Variants in CNTNAP3B observed in about 807,000 individuals in gnomAD.
CNTNAP3B encodes the protein contactin associated protein family member 3B.
In CNTNAP3B, 25 loss-of-function variants were observed where a neutral mutation model predicts 108.9. The observed-to-expected ratio is 0.23, with a 90% CI of 0.17 to 0.32. The LOEUF (loss-of-function observed/expected upper bound fraction) is 0.32, where lower values mean the gene tolerates loss of function less well. CNTNAP3B is among the 10% of genes least tolerant of loss of function. The pLI, the probability that CNTNAP3B is intolerant of heterozygous loss-of-function variation, is 1.00. For synonymous variants in CNTNAP3B, 103 were observed against 473.4 expected (o/e 0.22, Z 10.16); for missense variants, 252 against 1,210.4 (o/e 0.21, Z 11.75).
intron 18 of CNTNAP3B, among the ~76,000 whole-genome samples, chr9:41,917,142 C>T (rs1357778494): frequency 2.6e-5 from 4 of 152,256 alleles, no homozygotes; most frequent in Non-Finnish European, 4.4e-5. Context: ...TCTCTCTCTC[C>T]TGGTATTTTC....
In CNTNAP3B at chr9:41,953,164, C is replaced by A. The variant is rs1824746608; in HGVS notation, c.2080+19G>T. The stretch of plus-strand genomic sequence containing the variant: ...CCCCGGCCTCGTGAGCCCCTGTAGC[C>A]TCCAGCAGTGGCGCTTACCTCGTGA... On this transcript the variant is annotated intron_variant, in intron 13 of 23. Transcript: ENST00000377561. The A allele has an allele frequency of 3.3e-6, 5 of 1,514,586 alleles. No homozygotes were observed. The South Asian group carries it at 3.6e-5, about 11-fold the overall frequency. The allele number at this position is 1,514,586 out of a possible 1,614,324, so 93.8% of individuals were successfully genotyped here. A position where few individuals can be genotyped will look rare whatever the true frequency, so the allele number is the denominator to read the frequency against.
At chr9:41,918,702 A>G (rs1823583404) in intron 18 of CNTNAP3B, among the ~76,000 whole-genome samples, 3 of 144,204 alleles carry the variant, frequency 2.1e-5, no homozygotes, top group South Asian at 2.2e-4. Flanking sequence ...GTTATAAAAT[A>G]ACATTCAAAT....
At chr9:41,955,318 T>G (rs1429276787) in intron 12 of CNTNAP3B, among the ~76,000 whole-genome samples, 2 of 151,114 alleles carry the variant, frequency 1.3e-5, no homozygotes, top group African/African-American at 4.9e-5. Context: ...TTCTGAAGAG[T>G]AGAATAGTAA....
chr9:41,932,517 C>CTTTTTTTTTTT (rs1178493391), intron 14 of CNTNAP3B, among the ~76,000 whole-genome samples: 2 of 124,864 alleles, frequency 1.6e-5, no homozygotes. Flanking sequence ...ACTTTTTTTT[C>CTTTTTTTTTTT]TTCTTTTTTT....
intron 14 of CNTNAP3B, among the ~76,000 whole-genome samples, chr9:41,936,896 T>C (rs1824173441): frequency 6.6e-6 from 1 of 152,308 alleles, no homozygotes; most frequent in Admixed American, 6.5e-5. Context: ...GTATGTATTC[T>C]ATAGAAAGCT....
chr9:42,025,093 T>A (rs1329415665), intron 3 of CNTNAP3B, among the ~76,000 whole-genome samples: 4 of 136,994 alleles, frequency 2.9e-5, no homozygotes, highest in Non-Finnish European at 6.3e-5. Context: ...GCACCAACTG[T>A]CCGCCCTTGC....
chr9:41,969,071 C>G (rs1825366703), intron 10 of CNTNAP3B, among the ~76,000 whole-genome samples: 1 of 152,302 alleles, frequency 6.6e-6, no homozygotes, highest in African/African-American at 2.4e-5. Flanking sequence ...GCTGGGATTA[C>G]AGGCGTGAGC....
intron 13 of CNTNAP3B, among the ~76,000 whole-genome samples, chr9:41,951,215 G>T (rs1001175539): frequency 6.8e-6 from 1 of 147,342 alleles, no homozygotes; most frequent in Non-Finnish European, 1.5e-5. Context: ...TCTCACAAGT[G>T]TATGTAAATC....
intron 2 of CNTNAP3B, among the ~76,000 whole-genome samples, chr9:42,079,729 C>T (rs1163935087): frequency 7.3e-6 from 1 of 137,828 alleles, no homozygotes; most frequent in Non-Finnish European, 1.5e-5. Flanking sequence ...ACCACGTTGG[C>T]CAGGATGGTC....
chr9:41,964,478 T>C (rs1182847737), intron 11 of CNTNAP3B, 60 bp downstream of exon 11: 73 of 1,408,852 alleles, frequency 5.2e-5, no homozygotes, highest in Non-Finnish European at 6.8e-5. Context: ...TATAAACAAC[T>C]AATCAAAATG....
intron 13 of CNTNAP3B, among the ~76,000 whole-genome samples, chr9:41,945,590 G>A (rs1210612111): frequency 1.3e-5 from 2 of 152,312 alleles, no homozygotes; most frequent in Admixed American, 6.5e-5. Context: ...CACAGGAAGG[G>A]GAACATCACA....
chr9:42,042,531 AT>A lies in CNTNAP3B; in HGVS notation c.391-29007del, dbSNP rs200759399. 1.4e-4 allele frequency among the ~76,000 whole-genome samples: 19 copies of A among 137,210 alleles called. No homozygotes were observed. The East Asian group carries it at 3.4e-3, about 25-fold the overall frequency. The allele number at this position is 137,210 out of a possible 152,430, so 90.0% of individuals were successfully genotyped here. On this transcript the variant is annotated intron_variant, in intron 3 of 23. Coordinates refer to ENST00000377561, the MANE Select transcript of CNTNAP3B (RefSeq NM_001201380.3). ...GTGACTTTGTTGAACATGCACAACCATTTTTTTCTTGCCATTATTCTTTAAA... is the reference window on the plus strand; with the variant it reads ...GTGACTTTGTTGAACATGCACAACCATTTTTTCTTGCCATTATTCTTTAAA...
intron 7 of CNTNAP3B, among the ~76,000 whole-genome samples, chr9:41,995,616 A>T (rs1376831032): frequency 7.8e-6 from 1 of 128,816 alleles, no homozygotes; most frequent in African/African-American, 3.2e-5. Flanking sequence ...CTGTAGTCCC[A>T]GGTACTCGGG....
rs1827212947 is a variant in CNTNAP3B, at chr9:42,063,644, C to T, written c.390+13225G>A. Among the ~76,000 whole-genome samples the T allele has an allele frequency of 1.5e-5, 2 of 136,938 alleles. 1 individual carries two copies. Among genetic ancestry groups the T allele is most frequent in the African/African-American group, 5.9e-5 (2 of 34,034 alleles). 89.8% of individuals were successfully genotyped at this position (136,938 alleles called of 152,430 possible). A position where few individuals can be genotyped will look rare whatever the true frequency, so the allele number is the denominator to read the frequency against. On this transcript the variant is annotated intron_variant, in intron 3 of 23. Transcript: ENST00000377561. ...CTTTTTCTGCCTGCCTTCCTGCCTG[C>T]CTTTTTTCCTTCCTTCCTGTCTTCC...
At chr9:41,952,051 C>T (rs1480398105) in intron 13 of CNTNAP3B, among the ~76,000 whole-genome samples, 1 of 152,250 alleles carries the variant, frequency 6.6e-6, no homozygotes, top group African/African-American at 2.4e-5. Context: ...TGCACTCCAG[C>T]CTGGGTGACA....
intron 2 of CNTNAP3B, among the ~76,000 whole-genome samples, chr9:42,098,475 T>C (rs62558892): frequency 9.5e-6 from 1 of 105,728 alleles, no homozygotes; most frequent in African/African-American, 3.9e-5. Flanking sequence ...CCCAGCTACT[T>C]GGGAGGCTGA....
intron 2 of CNTNAP3B, among the ~76,000 whole-genome samples, chr9:42,098,460 G>A (rs1209890721): frequency 1.8e-5 from 2 of 110,862 alleles, no homozygotes; most frequent in Non-Finnish European, 3.7e-5. Flanking sequence ...GTGGGTGCCT[G>A]TAGTCCCAGC....
intron 3 of CNTNAP3B, among the ~76,000 whole-genome samples, chr9:42,058,220 A>C (rs1338006610): frequency 6.6e-6 from 1 of 151,918 alleles, no homozygotes; most frequent in Non-Finnish European, 1.5e-5. Flanking sequence ...TTTCCTTTGG[A>C]TACATACACA....
At chr9:41,928,135 C>A (rs1486148984) in intron 15 of CNTNAP3B, among the ~76,000 whole-genome samples, 1 of 152,270 alleles carries the variant, frequency 6.6e-6, no homozygotes, top group Non-Finnish European at 1.5e-5. Flanking sequence ...TGTGAAGAAT[C>A]TGAGATTTCA....
Sources: allele counts gnomAD v4.1 joint callset (sites outside exome capture counted in the v4.1 genomes callset), GRCh38; gene constraint gnomAD v4.1.1; transcripts MANE v1.5; gene names NCBI Gene and HGNC (gene_info 2026-07-23, HGNC 2026-07-21).